Variants in SUMF1 observed in about 807,000 individuals in gnomAD.
SUMF1 encodes formylglycine-generating enzyme.
SUMF1 carries 48 observed loss-of-function variants against 47.6 expected under a neutral mutation model. That is an observed-to-expected ratio of 1.01 (90% CI 0.80 to 1.28). SUMF1 has a LOEUF of 1.28. SUMF1 is among the 50% of genes most tolerant of loss of function. SUMF1 has a pLI of 0.00. For synonymous variants in SUMF1, 230 were observed against 192.1 expected (o/e 1.20, Z -1.63); for missense variants, 571 against 485.4 (o/e 1.18, Z -1.66).
intron 7 of SUMF1, among the ~76,000 whole-genome samples, chr3:4,408,986 A>C (rs973562518): frequency 6.6e-6 from 1 of 152,150 alleles, no homozygotes; most frequent in African/African-American, 2.4e-5. Context: ...AAAAAAAGAT[A>C]AAAGTAATTA....
rs114579773 is a variant in SUMF1, at chr3:4,141,366, C to A, written c.1015-72621G>T. Among the ~76,000 whole-genome samples the A allele has an allele frequency of 3.3e-5, 5 of 152,024 alleles. 1 individual carries two copies. The highest frequency in any genetic ancestry group is 2.0e-4 in the Admixed American group (3 of 15,256). The stretch of plus-strand genomic sequence containing the variant: ...AATTGAAATCCATCTCACTTAGAAG[C>A]CTTTAAGAAGATCTGACCAGAAATG... On this transcript the variant is annotated intron_variant and NMD_transcript_variant, in intron 8 of 12. Transcript: ENST00000448413.
At chr3:4,394,264 G>A (rs1439581392) in intron 7 of SUMF1, among the ~76,000 whole-genome samples, 1 of 152,038 alleles carries the variant, frequency 6.6e-6, no homozygotes, top group Non-Finnish European at 1.5e-5. Flanking sequence ...CAATTTCCTG[G>A]ACTCAAGCAA....
chr3:4,201,701 T>G (rs1695543865), intron 8 of SUMF1, among the ~76,000 whole-genome samples: 1 of 152,052 alleles, frequency 6.6e-6, no homozygotes, highest in African/African-American at 2.4e-5. Flanking sequence ...TATTTTTAGT[T>G]TTTTGAGGAA....
chr3:4,339,782 G>A (rs308722), intron 8 of SUMF1, among the ~76,000 whole-genome samples: 118,119 of 152,050 alleles, frequency 0.78, 46,438 homozygotes, highest in African/African-American at 0.89. Context: ...GAGGCTTTTT[G>A]AAACACTGAC....
chr3:4,378,513 C>G lies in SUMF1; in HGVS notation c.955-2124G>C. On this transcript the variant is annotated intron_variant, in intron 7 of 8. Coordinates refer to ENST00000272902, the MANE Select transcript of SUMF1 (RefSeq NM_182760.4). ...TTCCAAGGCCTTAAATGCTTAATGTCACATTAATAAACTTTTGTTAATTAC... is the reference window on the plus strand; with the variant it reads ...TTCCAAGGCCTTAAATGCTTAATGTGACATTAATAAACTTTTGTTAATTAC... 2.0e-5 allele frequency among the ~76,000 whole-genome samples: 3 copies of G among 152,306 alleles called. No individual in the cohort carries two copies. In the South Asian group the frequency reaches 6.2e-4, roughly 32 times the overall value.
chr3:4,461,669 A>G (rs17629635), intron 1 of SUMF1, among the ~76,000 whole-genome samples: 2,344 of 152,014 alleles, frequency 0.015, 32 homozygotes, highest in Admixed American at 0.026. Flanking sequence ...AGAGATAGCC[A>G]GTGCTGAATA....
intron 8 of SUMF1, chr3:4,303,650 T>C: frequency 7.0e-7 from 1 of 1,433,520 alleles, no homozygotes; most frequent in Non-Finnish European, 9.1e-7. Context: ...GCGCACCCGT[T>C]GGTGCGCGGG....
chr3:4,110,168 C>T (rs3107589), intron 8 of SUMF1, among the ~76,000 whole-genome samples: 112,113 of 152,014 alleles, frequency 0.74, 41,519 homozygotes, highest in Admixed American at 0.78. Context: ...CTGCAGGTTG[C>T]TGGAGTTTGC....
At chr3:4,415,191 C>A (rs1217974669) in intron 6 of SUMF1, among the ~76,000 whole-genome samples, 3 of 143,104 alleles carry the variant, frequency 2.1e-5, no homozygotes, top group Non-Finnish European at 3.0e-5. Context: ...CACGCCACTG[C>A]ACTCCAGCCT....
At chr3:4,316,409 T>C (rs1385161550) in intron 8 of SUMF1, 2 of 1,579,976 alleles carry the variant, frequency 1.3e-6, no homozygotes, top group Non-Finnish European at 1.7e-6. Context: ...AGGAGCGTAG[T>C]GGCCGGCCAT....
chr3:4,302,521 G>C (rs184145366), intron 8 of SUMF1, among the ~76,000 whole-genome samples: 1 of 152,152 alleles, frequency 6.6e-6, no homozygotes, highest in Non-Finnish European at 1.5e-5. Context: ...CTTAAGGTGT[G>C]TGTTGATGTT....
At chr3:4,360,106 C>A (rs1699709811), downstream of SUMF1, among the ~76,000 whole-genome samples, 1 of 151,318 alleles carries the variant, frequency 6.6e-6, no homozygotes, top group South Asian at 2.1e-4. Flanking sequence ...TATATGCAGG[C>A]GGGAGGTAAC....
chr3:4,263,264 T>C (rs1390406208), intron 8 of SUMF1, among the ~76,000 whole-genome samples: 8 of 152,290 alleles, frequency 5.3e-5, no homozygotes, highest in Non-Finnish European at 1.0e-4. Context: ...GATGACCTAA[T>C]AAGACAAATG....
chr3:4,233,000 A>G (rs1424094720), intron 8 of SUMF1, among the ~76,000 whole-genome samples: 1 of 152,102 alleles, frequency 6.6e-6, no homozygotes, highest in Non-Finnish European at 1.5e-5. Flanking sequence ...AAATTTAAAT[A>G]TGTGCAGCTG....
intron 3 of SUMF1, among the ~76,000 whole-genome samples, chr3:4,431,217 C>T (rs1702222148): frequency 6.6e-6 from 1 of 152,174 alleles, no homozygotes; most frequent in Admixed American, 6.5e-5. Context: ...AGCCTGAAAG[C>T]CAAGCTTTAA....
intron 8 of SUMF1, among the ~76,000 whole-genome samples, chr3:4,243,933 G>A (rs983860514): frequency 1.3e-5 from 2 of 151,982 alleles, no homozygotes; most frequent in African/African-American, 4.8e-5. Context: ...TTTATGAATC[G>A]GGGTGCTCCT....
intron 8 of SUMF1, among the ~76,000 whole-genome samples, chr3:4,317,840 G>A (rs542226188): frequency 1.3e-5 from 2 of 152,264 alleles, no homozygotes; most frequent in East Asian, 3.9e-4. Context: ...TGAGTATATA[G>A]AAAGTATTCA....
intron 3 of SUMF1, 34 bp downstream of exon 3, chr3:4,449,232 G>A (rs1702884749): frequency 1.2e-6 from 2 of 1,612,504 alleles, no homozygotes; most frequent in Middle Eastern, 1.7e-4. Flanking sequence ...ATGAGCCTTA[G>A]AGAAATACAG....
chr3:4,097,822 C>T (rs1692940053), intron 8 of SUMF1, among the ~76,000 whole-genome samples: 1 of 152,114 alleles, frequency 6.6e-6, no homozygotes, highest in Admixed American at 6.5e-5. Context: ...ATCCAGCAGT[C>T]CTTGGACCTA....
Sources: allele counts gnomAD v4.1 joint callset (sites outside exome capture counted in the v4.1 genomes callset), GRCh38; gene constraint gnomAD v4.1.1; transcripts MANE v1.5; gene names NCBI Gene and HGNC (gene_info 2026-07-23, HGNC 2026-07-21).